The following FGF7 variants were observed in gnomAD, a reference collection of about 807,000 sequenced individuals.
FGF7 encodes the protein fibroblast growth factor 7, also known as FGF-7.
In FGF7, 6 loss-of-function variants were observed where a neutral mutation model predicts 20.5. The observed-to-expected ratio is 0.29, with a 90% CI of 0.16 to 0.58. FGF7 has a LOEUF of 0.58. Among genes scored for constraint, FGF7 ranks in the 20% least tolerant of loss-of-function variants. The probability of loss-of-function intolerance (pLI) is 0.90; values close to 1 mark genes in which losing one functional copy is unlikely to be tolerated. For synonymous variants in FGF7, 64 were observed against 74.7 expected (o/e 0.86, Z 0.74); for missense variants, 144 against 228.8 (o/e 0.63, Z 2.39).
rs2056528608 is a variant in FGF7, at chr15:49,487,803, T to A, written c.*3299T>A. The A allele has an allele frequency of 6.6e-6, 1 of 151,994 alleles. No individual in the cohort carries two copies. The highest frequency in any genetic ancestry group is 6.6e-5 in the Admixed American group (1 of 15,222). 9.4% of individuals were successfully genotyped at this position (151,994 alleles called of 1,614,324 possible). A position where few individuals can be genotyped will look rare whatever the true frequency, so the allele number is the denominator to read the frequency against. On this transcript the variant is annotated 3_prime_UTR_variant, in exon 4 of 4. Transcript: ENST00000267843. ...TCTTACTCCATAATATATTTGTGGT[T>A]GCGTTAATATGACAATGTCTGCAAT...
intron 2 of FGF7, among the ~76,000 whole-genome samples, chr15:49,459,698 T>A (rs1395230661): frequency 1.3e-5 from 2 of 152,180 alleles, no homozygotes; most frequent in Admixed American, 6.5e-5. Flanking sequence ...AAAATGACTG[T>A]ACACATTTTC....
rs190320296 is a variant in FGF7 at position 49,428,803 on chromosome 15, G to A, written c.286+4220G>A. Reference sequence around the variant, plus strand: ...CCTCACTTGATTATAATGAAGCACTGTTAGTTCCATAGCAAGAAAAGGGTT... The same window carrying A: ...CCTCACTTGATTATAATGAAGCACTATTAGTTCCATAGCAAGAAAAGGGTT... On this transcript the variant is annotated intron_variant, in intron 2 of 3. Coordinates refer to ENST00000267843, the MANE Select transcript of FGF7 (RefSeq NM_002009.4). 3.3e-5 allele frequency among the ~76,000 whole-genome samples: 5 copies of A among 152,102 alleles called. No homozygotes were observed. The East Asian group carries it at 9.7e-4, about 30-fold the overall frequency.
chr15:49,451,183 A>G (rs892107328), intron 2 of FGF7, among the ~76,000 whole-genome samples: 1 of 152,158 alleles, frequency 6.6e-6, no homozygotes, highest in African/African-American at 2.4e-5. Flanking sequence ...ATACTTACAT[A>G]TAAAATAAAT....
At chr15:49,479,599 G>GTTTTTTTTTTTTT (rs56097665) in intron 2 of FGF7, among the ~76,000 whole-genome samples, 6 of 63,322 alleles carry the variant, frequency 9.5e-5, no homozygotes, top group African/African-American at 3.8e-4. Flanking sequence ...TAATACCTCT[G>GTTTTTTTTTTTTT]TTTTTTTTTT....
chr15:49,476,960 T>C (rs2151991598), intron 2 of FGF7, among the ~76,000 whole-genome samples: 1 of 151,282 alleles, frequency 6.6e-6, no homozygotes, highest in Non-Finnish European at 1.5e-5. Context: ...CTCGGGAGGC[T>C]GAGGCAGGGA....
At chr15:49,484,099 G>A (rs934574547) in intron 3 of FGF7, among the ~76,000 whole-genome samples, 1 of 151,982 alleles carries the variant, frequency 6.6e-6, no homozygotes, top group African/African-American at 2.4e-5. Flanking sequence ...TGTGTATTAT[G>A]TGGTGTTTTT....
chr15:49,442,067 T>C (rs116226827), intron 2 of FGF7, among the ~76,000 whole-genome samples: 3,452 of 151,740 alleles, frequency 0.023, 99 homozygotes, highest in South Asian at 0.08. Context: ...AGTAATTGAA[T>C]TAAGTAAGAA....
Position 49,444,723 on chromosome 15 carries a change from G to A in FGF7, c.286+20140G>A, listed in dbSNP as rs1043569595. On this transcript the variant is annotated intron_variant, in intron 2 of 3. Transcript: ENST00000267843. ...CATATGTTCCGGGGTCTGTCTCAAA[G>A]GCTAGAAATAAATTGCAAATATCTC... Among the ~76,000 whole-genome samples, 5 of 151,558 alleles carry A rather than the reference G, an allele frequency of 3.3e-5. No individual in the cohort carries two copies. The East Asian group carries it at 9.7e-4, about 29-fold the overall frequency.
Position 49,488,129 on chromosome 15 carries a change from G to A in FGF7, c.*3625G>A, listed in dbSNP as rs2056560544. 6.6e-6 allele frequency: 1 copy of A among 151,872 alleles called. No individual in the cohort carries two copies. The highest frequency in any genetic ancestry group is 1.5e-5 in the Non-Finnish European group (1 of 67,936). The allele number at this position is 151,872 out of a possible 1,614,324, so 9.4% of individuals were successfully genotyped here. A position where few individuals can be genotyped will look rare whatever the true frequency, so the allele number is the denominator to read the frequency against. On this transcript the variant is annotated 3_prime_UTR_variant, in exon 4 of 4. Coordinates refer to ENST00000267843, the MANE Select transcript of FGF7 (RefSeq NM_002009.4). ...ATGCAGGCCACTATGACTAACTTGT[G>A]GGTATCATTTCTATGATCACCCTAA...
At chr15:49,438,744 A>T (rs530140421) in intron 2 of FGF7, among the ~76,000 whole-genome samples, 26 of 151,606 alleles carry the variant, frequency 1.7e-4, no homozygotes, top group African/African-American at 5.8e-4. Flanking sequence ...TTGTTTTTGT[A>T]TTTGTTTTAT....
intron 2 of FGF7, among the ~76,000 whole-genome samples, chr15:49,439,931 A>G (rs1216657611): frequency 2.0e-5 from 3 of 151,790 alleles, no homozygotes; most frequent in Admixed American, 6.6e-5. Context: ...GATAGCCCTC[A>G]GGGAAACTGG....
rs1206715347 is a variant in FGF7 at position 49,446,389 on chromosome 15, C to T, written c.286+21806C>T. Among the ~76,000 whole-genome samples, 7 of 151,522 alleles carry T rather than the reference C, an allele frequency of 4.6e-5. No individual in the cohort carries two copies. The South Asian group carries it at 1.0e-3, about 22-fold the overall frequency. ...CAAAGATAAACAATGTGACTTTTAC[C>T]CTTAATGTACTGCCATAGGAAATAA... On this transcript the variant is annotated intron_variant, in intron 2 of 3. Transcript: ENST00000267843.
chr15:49,434,351 G>C (rs2050892663), intron 2 of FGF7: 1 of 151,328 alleles, frequency 6.6e-6, no homozygotes, highest in Non-Finnish European at 1.5e-5. Context: ...GAATGCAATA[G>C]TAAGCAAATA....
intron 2 of FGF7, among the ~76,000 whole-genome samples, chr15:49,439,619 G>C (rs1280171467): frequency 6.6e-6 from 1 of 151,726 alleles, no homozygotes; most frequent in Non-Finnish European, 1.5e-5. Flanking sequence ...TAAGTTTGTG[G>C]AATAAGCTTG....
intron 2 of FGF7, among the ~76,000 whole-genome samples, chr15:49,462,763 T>G (rs536848624): frequency 1.8e-4 from 27 of 152,282 alleles, no homozygotes; most frequent in African/African-American, 6.5e-4. Context: ...ATATGATATA[T>G]CAGATTATGA....
chr15:49,472,953 T>G (rs1183627824), intron 2 of FGF7, among the ~76,000 whole-genome samples: 1 of 152,180 alleles, frequency 6.6e-6, no homozygotes, highest in Non-Finnish European at 1.5e-5. Context: ...ATTTGTGATT[T>G]ATTCCATGCC....
intron 2 of FGF7, among the ~76,000 whole-genome samples, chr15:49,452,927 G>A (rs549529019): frequency 1.3e-4 from 20 of 152,162 alleles, no homozygotes; most frequent in African/African-American, 4.8e-4. Context: ...TCAAAGTCAG[G>A]AATTTATCAC....
intron 2 of FGF7, among the ~76,000 whole-genome samples, chr15:49,459,817 C>T (rs892452232): frequency 6.6e-6 from 1 of 152,144 alleles, no homozygotes; most frequent in African/African-American, 2.4e-5. Flanking sequence ...CTCTTTCCAA[C>T]TCCACATTCA....
intron 1 of FGF7, 100 bp from the exon 2 acceptor site, chr15:49,423,932 T>A (rs755425961): frequency 9.7e-4 from 184 of 190,058 alleles, no homozygotes; most frequent in Non-Finnish European, 1.4e-3. Context: ...TAACCTATAC[T>A]GTATTCTAAT....
Sources: gnomAD v4.1 joint callset for allele counts (sites outside exome capture counted in the v4.1 genomes callset) on GRCh38, gnomAD v4.1.1 for gene constraint, MANE v1.5 for transcripts, NCBI Gene and HGNC (gene_info 2026-07-23, HGNC 2026-07-21) for gene names.